The following ADGRB2 variants were observed in gnomAD, a reference collection of about 807,000 sequenced individuals.
The protein encoded by ADGRB2 is brain-specific angiogenesis inhibitor 2.
ADGRB2 carries 47 observed loss-of-function variants against 178.7 expected under a neutral mutation model. The observed-to-expected ratio is 0.26, with a 90% CI of 0.21 to 0.34. The LOEUF is 0.34. ADGRB2 is among the 10% of genes least tolerant of loss of function. ADGRB2 has a pLI of 1.00. For missense variants in ADGRB2, 1,584 were observed against 2,180.8 expected, an observed-to-expected ratio of 0.73 and a Z score of 5.45; for synonymous variants, 870 against 912.4, an observed-to-expected ratio of 0.95 and a Z score of 0.84.
rs1052905605 is a variant in ADGRB2 at position 31,741,265 on chromosome 1, C to T, written c.1794+108G>A. 12 of 1,160,056 alleles carry T rather than the reference C, an allele frequency of 1.0e-5. No homozygotes were observed. Among genetic ancestry groups the T allele is most frequent in the African/African-American group, 4.6e-5 (3 of 65,182 alleles). The allele number at this position is 1,160,056 out of a possible 1,614,324, so 71.9% of individuals were successfully genotyped here. On this transcript the variant is annotated intron_variant, in intron 11 of 32. Transcript: ENST00000373658. This position sits in a 1 kb window ranked among gnomAD's most constrained non-coding sequence, Gnocchi z 6.5. ...AGGCACAGCCAGGCAGAAGTGGGCA[C>T]AGCATATGCCAAGGCACGTGGGAAC...
At position 31,757,261 on chromosome 1, in the gene ADGRB2, G is replaced by A; in HGVS notation, c.-40C>T. 2 of 1,613,294 alleles carry A rather than the reference G, an allele frequency of 1.2e-6. No individual in the cohort carries two copies. The highest frequency in any genetic ancestry group is 1.7e-6 in the Non-Finnish European group (2 of 1,179,232). On this transcript the variant is annotated 5_prime_UTR_variant, in exon 3 of 33. Transcript: ENST00000373658. ...ATCCCCGTGTGTCGTGATCAGCTGTGAGGCATGTCACCGCGTAATCCTGTG... is the reference window on the plus strand; with the variant it reads ...ATCCCCGTGTGTCGTGATCAGCTGTAAGGCATGTCACCGCGTAATCCTGTG...
Position 31,727,619 on chromosome 1 carries a change from G to C in ADGRB2, c.4573-14C>G. 7.3e-6 allele frequency: 11 copies of C among 1,498,944 alleles called. No homozygotes were observed. Among genetic ancestry groups the C allele is most frequent in the Non-Finnish European group, 9.7e-6 (11 of 1,130,492 alleles). The allele number at this position is 1,498,944 out of a possible 1,614,324, so 92.9% of individuals were successfully genotyped here. A position where few individuals can be genotyped will look rare whatever the true frequency, so the allele number is the denominator to read the frequency against. ...GCTGGGCTTATCCTGTGGAGGGAGC[G>C]GGAGGGGCCGTGGAGATGGGCCAAT... On this transcript the variant is annotated splice_polypyrimidine_tract_variant and intron_variant, in intron 32 of 32. Coordinates refer to ENST00000373658, the MANE Select transcript of ADGRB2 (RefSeq NM_001364857.2). The surrounding 1 kb of genome is among the most constrained non-coding windows in gnomAD (Gnocchi z 4.4).
chr1:31,732,065 C>G, intron 28 of ADGRB2, 50 bp downstream of exon 28: 2 of 1,611,628 alleles, frequency 1.2e-6, no homozygotes, highest in Non-Finnish European at 1.7e-6. Flanking sequence ...AAGGCCTCCC[C>G]TTCTTCTCCA....
In ADGRB2 at chr1:31,741,904, C is replaced by A; in HGVS notation, c.1481G>T (p.Gly494Val). The A allele has an allele frequency of 1.2e-6, 2 of 1,611,440 alleles. No homozygotes were observed. Among genetic ancestry groups the A allele is most frequent in the Non-Finnish European group, 1.7e-6 (2 of 1,178,174 alleles). Residue 494 changes from glycine (G) to valine (V), a missense_variant, in exon 9 of 33, where the codon GGC (glycine) becomes GTC (valine). Physicochemically the swap from Gly to Val is moderately radical, Grantham distance 109 (BLOSUM62 -3). Around this residue, in one of 3 missense-constraint regions of ADGRB2, gnomAD observed 657 missense variants for 847.6 expected, o/e 0.78. Transcript: ENST00000373658. This position sits in a 1 kb window ranked among gnomAD's most constrained non-coding sequence, Gnocchi z 6.5. ...WSLCSKTCDT[G>V]WQRRFRMCQA... is the part of the protein sequence containing the mutation. ...GCACATGCGGAAGCGGCGCTGCCAG[C>A]CTGTGTCACACGTCTTAGAGCACAG...
chr1:31,736,083 G>A (rs1192392810), intron 22 of ADGRB2, among the ~76,000 whole-genome samples, 190 bp from the exon 23 acceptor site: 1 of 152,142 alleles, frequency 6.6e-6, no homozygotes, highest in Non-Finnish European at 1.5e-5. Flanking sequence ...AGAACATTAG[G>A]CTCATCCCCC....
At chr1:31,736,211 C>G (rs1233692450) in intron 22 of ADGRB2, 110 bp downstream of exon 22, 1 of 1,328,418 alleles carries the variant, frequency 7.5e-7, no homozygotes, top group Non-Finnish European at 1.1e-6. Flanking sequence ...TGGGGAGGAA[C>G]TTGCCCAAAG....
In ADGRB2 at chr1:31,738,914, C is replaced by T. The variant is rs1024991841; in HGVS notation, c.2519G>A (p.Arg840Gln). 1.5e-5 allele frequency: 24 copies of T among 1,613,108 alleles called. No homozygotes were observed. Among genetic ancestry groups the T allele is most frequent in the East Asian group, 2.2e-5 (1 of 44,884 alleles). Residue 840 changes from arginine (R) to glutamine (Q), a missense_variant, in exon 16 of 33, where the codon CGG (arginine) becomes CAG (glutamine). By Grantham distance (43) the Arg-to-Gln change is conservative. Coordinates refer to ENST00000373658, the MANE Select transcript of ADGRB2 (RefSeq NM_001364857.2). ...PPRPPLAVTS[R>Q]VMTVTVRPPT... ...GGGGCGCACAGTCACTGTCATCACC[C>T]GGGATGTGACGGCCAGCGGGGGCCT...
chr1:31,744,113 A>G lies in ADGRB2; in HGVS notation c.1087+80T>C. On this transcript the variant is annotated intron_variant, in intron 6 of 32. Coordinates refer to ENST00000373658, the MANE Select transcript of ADGRB2 (RefSeq NM_001364857.2). The surrounding 1 kb of genome is among the most constrained non-coding windows in gnomAD (Gnocchi z 6.7). ...GAATGAAAGGAGGAGGCAACCAACC[A>G]TTTTGGAGATTAATCTGCCCAAGTC... 7.0e-7 allele frequency: 1 copy of G among 1,437,950 alleles called. No individual in the cohort carries two copies. 89.1% of individuals were successfully genotyped at this position (1,437,950 alleles called of 1,614,324 possible). A position where few individuals can be genotyped will look rare whatever the true frequency, so the allele number is the denominator to read the frequency against.
rs781639445 is a variant in ADGRB2, at chr1:31,757,267, T to C, written c.-46A>G. 3 of 1,610,592 alleles carry C rather than the reference T, an allele frequency of 1.9e-6. No homozygotes were observed. The highest frequency in any genetic ancestry group is 3.3e-5 in the Admixed American group (2 of 59,948). On this transcript the variant is annotated 5_prime_UTR_variant, in exon 3 of 33. It removes an upstream start codon present in the reference 5' UTR. Transcript: ENST00000373658. Reference sequence around the variant, plus strand: ...GTGTGTCGTGATCAGCTGTGAGGCATGTCACCGCGTAATCCTGTGGTAATT... The same window carrying C: ...GTGTGTCGTGATCAGCTGTGAGGCACGTCACCGCGTAATCCTGTGGTAATT...
At position 31,739,969 on chromosome 1, in the gene ADGRB2, A is replaced by G; in HGVS notation, c.2124T>C (p.Ala708=). ...VEDFIHLVGD[A]LKAFQSSLIV... is the part of the protein sequence containing the mutation. ...TCAGAGAGCTCTGGAAGGCCTTGAG[A>G]GCATCGCCCACCAGGTGAATGAAGT... Residue 708 remains alanine, a synonymous_variant, in exon 14 of 33, where the codon GCT becomes GCC. Coordinates refer to ENST00000373658, the MANE Select transcript of ADGRB2 (RefSeq NM_001364857.2). 6.2e-7 allele frequency: 1 copy of G among 1,614,126 alleles called. No homozygotes were observed. Among genetic ancestry groups the G allele is most frequent in the Non-Finnish European group, 8.5e-7 (1 of 1,180,016 alleles).
intron 29 of ADGRB2, among the ~76,000 whole-genome samples, 159 bp downstream of exon 29, chr1:31,730,641 C>T (rs1301672259): frequency 2.0e-5 from 3 of 152,226 alleles, no homozygotes; most frequent in African/African-American, 4.8e-5. Context: ...ACAGACACCA[C>T]GGAGCTGCCA....
chr1:31,737,509 T>G lies in ADGRB2; in HGVS notation c.2899A>C (p.Ile967Leu). 1.9e-6 allele frequency: 3 copies of G among 1,614,104 alleles called. No homozygotes were observed. The highest frequency in any genetic ancestry group is 2.5e-6 in the Non-Finnish European group (3 of 1,180,010). ...FWRFIKSERSIILLNFCLSIL... is the reference protein window; with the variant it reads ...FWRFIKSERSLILLNFCLSIL... ...GACAGGCAGAAGTTCAGCAAGATGA[T>G]GGAGCGTTCAGATTTTATGAACCTG... The change falls in exon 20 of 33, where the codon ATC becomes CTC. Residue 967 changes from isoleucine to leucine, a missense_variant. Ile to Leu is a conservative substitution (Grantham distance 5). Around this residue, in one of 3 missense-constraint regions of ADGRB2, gnomAD observed 865 missense variants for 1,192.8 expected, o/e 0.73. Transcript: ENST00000373658.
rs1646791527 is a variant in ADGRB2, at chr1:31,755,604, C to T, written c.838+395G>A. Among the ~76,000 whole-genome samples, 1 of 152,056 alleles carries T rather than the reference C, an allele frequency of 6.6e-6. No individual in the cohort carries two copies. Among genetic ancestry groups the T allele is most frequent in the Admixed American group, 6.5e-5 (1 of 15,270 alleles). On this transcript the variant is annotated intron_variant, in intron 4 of 32. Coordinates refer to ENST00000373658, the MANE Select transcript of ADGRB2 (RefSeq NM_001364857.2). This position sits in a 1 kb window ranked among gnomAD's most constrained non-coding sequence, Gnocchi z 5.1. ...TGTCAACTTGCAGCGCCAGGGCCTG[C>T]CACGATCATTCCCAGCCTTGGGCCT...
At chr1:31,730,588 G>A (rs1251404976) in intron 29 of ADGRB2, among the ~76,000 whole-genome samples, 10 of 152,212 alleles carry the variant, frequency 6.6e-5, no homozygotes, top group Non-Finnish European at 1.5e-4. Flanking sequence ...GAGTCGAGAA[G>A]TACAATTCTA....
rs1346018483 is a variant in ADGRB2 at position 31,739,379 on chromosome 1, A to G, written c.2424T>C (p.Pro808=). The G allele has an allele frequency of 5.9e-6, 9 of 1,528,252 alleles. No homozygotes were observed. Among genetic ancestry groups the G allele is most frequent in the African/African-American group, 1.4e-5 (1 of 72,952 alleles). 94.7% of individuals were successfully genotyped at this position (1,528,252 alleles called of 1,614,324 possible). ...CGATCACAAAGTAGGAGGACTCATC[A>G]GGGTCTGCTGGGAGGAGGCGCTGGT... ...HSHQRLLPAD[P]DESSYFVIGA... Residue 808 remains proline (P), a synonymous_variant, in exon 15 of 33, where the codon CCT becomes CCC. Transcript: ENST00000373658.
intron 3 of ADGRB2, 88 bp downstream of exon 3, chr1:31,757,113 T>C (rs1646878928): frequency 6.3e-7 from 1 of 1,596,484 alleles, no homozygotes; most frequent in African/African-American, 1.3e-5. Context: ...GAAACAGTAG[T>C]TGTTGTTGCC....
At chr1:31,743,038 C>T in intron 6 of ADGRB2, 36 bp from the exon 7 acceptor site, 1 of 1,370,328 alleles carries the variant, frequency 7.3e-7, no homozygotes. Context: ...CTGGGCGGCA[C>T]CATGGCCCCG....
At position 31,758,824 on chromosome 1, in the gene ADGRB2, C is replaced by G. The variant is rs1646951706; in HGVS notation, c.-190-1313G>C. ...TCCTCCTCAGAGCTGAAAAAGGGAT[C>G]AGACCCCTGGTCTTTCCCACCCTAC... On this transcript the variant is annotated intron_variant, in intron 1 of 32. Transcript: ENST00000373658. The surrounding 1 kb of genome is among the most constrained non-coding windows in gnomAD (Gnocchi z 4.2). The G allele has an allele frequency of 1.2e-5, 2 of 163,760 alleles. No individual in the cohort carries two copies. The highest frequency in any genetic ancestry group is 2.7e-5 in the Non-Finnish European group (2 of 73,374). The allele number at this position is 163,760 out of a possible 1,614,324, so 10.1% of individuals were successfully genotyped here.
Position 31,742,080 on chromosome 1 carries a change from G to C in ADGRB2, c.1390C>G (p.Arg464Gly), listed in dbSNP as rs773281089. The change falls in exon 8 of 33, where the codon CGG (arginine) becomes GGG (glycine). Residue 464 changes from arginine (R) to glycine (G), a missense_variant. Physicochemically the swap from Arg to Gly is moderately radical, Grantham distance 125. Around this residue, in one of 3 missense-constraint regions of ADGRB2, gnomAD observed 657 missense variants for 847.6 expected, o/e 0.78. Coordinates refer to ENST00000373658, the MANE Select transcript of ADGRB2 (RefSeq NM_001364857.2). Reference protein sequence around the residue: ...ATCTGALTDTRECSNLECPAT... With the variant: ...ATCTGALTDTGECSNLECPAT... ...GGGCACTCGAGGTTGCTGCACTCCC[G>C]GGTGTCAGTGAGGGCACCCGTGCAT... The C allele has an allele frequency of 6.2e-7, 1 of 1,612,100 alleles. No homozygotes were observed.
Sources: allele counts gnomAD v4.1 joint callset (sites outside exome capture counted in the v4.1 genomes callset), GRCh38; gene constraint gnomAD v4.1.1; regional missense constraint gnomAD v4.1.1; non-coding constraint Gnocchi (gnomAD v3.1); transcripts MANE v1.5; gene names NCBI Gene and HGNC (gene_info 2026-07-23, HGNC 2026-07-21).